GATA4: variants seen among roughly 807,000 people sequenced by gnomAD.
GATA4 encodes transcription factor GATA-4.
Under a neutral mutation model 37.9 loss-of-function variants are expected in GATA4, and 7 were observed. The ratio of observed to expected loss-of-function variants is 0.18; its 90% confidence interval spans 0.11 to 0.35. The LOEUF (loss-of-function observed/expected upper bound fraction) is 0.35. Ranked by LOEUF, GATA4 falls within the 10% of genes least tolerant of loss-of-function variation. GATA4 has a pLI of 1.00. For missense variants in GATA4, 647 were observed against 653.0 expected (o/e 0.99, Z 0.10); for synonymous variants, 372 against 292.6 (o/e 1.27, Z -2.77).
chr8:11,687,872 A>C (rs1799190180), upstream of GATA4, among the ~76,000 whole-genome samples: 1 of 152,158 alleles, frequency 6.6e-6, no homozygotes, highest in Non-Finnish European at 1.5e-5. Flanking sequence ...CCCCCGTTTC[A>C]TTTGGCAGGT....
rs1585541204 is a variant in GATA4 at position 11,680,785 on chromosome 8, C to A, written c.-274+3722C>A. The A allele has an allele frequency of 8.1e-6, 8 of 985,328 alleles. No homozygotes were observed. The East Asian group carries it at 3.4e-4, about 42-fold the overall frequency. 61.0% of individuals were successfully genotyped at this position (985,328 alleles called of 1,614,324 possible). On this transcript the variant is annotated intron_variant, in intron 1 of 6. Coordinates refer to the GATA4 transcript ENST00000528712. ...CCCCTCTCCAGATGCGAGGTGCTCA[C>A]CCGCCCCTCGCCCTGCTCACCCCGA...
At chr8:11,725,854 T>C (rs1326591027) in intron 2 of GATA4, among the ~76,000 whole-genome samples, 1 of 152,054 alleles carries the variant, frequency 6.6e-6, no homozygotes, top group East Asian at 1.9e-4. Context: ...GAAAGGGGCC[T>C]GGGCCCGGGG....
intron 2 of GATA4, among the ~76,000 whole-genome samples, chr8:11,716,795 G>A (rs916330213): frequency 6.6e-6 from 1 of 152,178 alleles, no homozygotes; most frequent in African/African-American, 2.4e-5. Flanking sequence ...CTTCCTCCAG[G>A]GCAAGGTGAT....
chr8:11,725,610 T>G (rs1209157679), intron 2 of GATA4, among the ~76,000 whole-genome samples: 1 of 152,226 alleles, frequency 6.6e-6, no homozygotes, highest in Non-Finnish European at 1.5e-5. Context: ...TTGGTCTTAG[T>G]GGGGATGGCC....
At position 11,707,861 on chromosome 8, in the gene GATA4, C is replaced by T. The variant is rs1048535078; in HGVS notation, c.-452C>T. ...TTCTGTCGTTCCTCTTTTAGGACCC[C>T]GGCTGCGGCGAGGAGGAAGGAGCCA... On this transcript the variant is annotated 5_prime_UTR_variant, in exon 2 of 7. Transcript: ENST00000532059. The surrounding 1 kb of genome is among the most constrained non-coding windows in gnomAD (Gnocchi z 4.7). 6.0e-5 allele frequency: 15 copies of T among 249,530 alleles called. 1 individual carries two copies. In the Admixed American group the frequency reaches 7.4e-4, roughly 12 times the overall value. The allele number at this position is 249,530 out of a possible 1,614,324, so 15.5% of individuals were successfully genotyped here. A position where few individuals can be genotyped will look rare whatever the true frequency, so the allele number is the denominator to read the frequency against.
chr8:11,758,395 T>G lies in GATA4; in HGVS notation c.1252T>G (p.Ser418Ala), dbSNP rs1483133650. Residue 418 changes from serine to alanine, a missense_variant, in exon 7 of 7, where the codon TCT becomes GCT. Coordinates refer to ENST00000532059, the MANE Select transcript of GATA4 (RefSeq NM_001308093.3). Reference protein sequence around the residue: ...PQGYASPVSQSPQTSSKQDSW... With the variant: ...PQGYASPVSQAPQTSSKQDSW... ...AGGCTATGCGTCTCCCGTCAGCCAGTCTCCACAGACCAGCTCCAAGCAGGA... is the reference window on the plus strand; with the variant it reads ...AGGCTATGCGTCTCCCGTCAGCCAGGCTCCACAGACCAGCTCCAAGCAGGA... The G allele has an allele frequency of 6.2e-7, 1 of 1,614,188 alleles. No homozygotes were observed.
Position 11,678,012 on chromosome 8 carries a change from AAATAATAATAATAATAATAATAAT to A in GATA4, c.-274+973_-274+996del, listed in dbSNP as rs148395155. Reference sequence around the variant, plus strand: ...TGTAGCTGAGAAAAGGGCTGAGTCAAAATAATAATAATAATAATAATAATAATAATAATAATAATAATAATAAAT... The same window carrying A: ...TGTAGCTGAGAAAAGGGCTGAGTCAAAATAATAATAATAATAATAATAAAT... On this transcript the variant is annotated intron_variant, in intron 1 of 6. Transcript: ENST00000528712. 3.4e-4 allele frequency among the ~76,000 whole-genome samples: 48 copies of A among 141,960 alleles called. 1 individual carries two copies. The highest frequency in any genetic ancestry group is 1.8e-3 in the Admixed American group (25 of 14,118). The allele number at this position is 141,960 out of a possible 152,430, so 93.1% of individuals were successfully genotyped here.
At chr8:11,742,633 C>T (rs920903052) in intron 2 of GATA4, among the ~76,000 whole-genome samples, 2 of 152,202 alleles carry the variant, frequency 1.3e-5, no homozygotes, top group African/African-American at 2.4e-5. Flanking sequence ...ATTTCATCCC[C>T]GGCCGGAGCG....
intron 4 of GATA4, among the ~76,000 whole-genome samples, chr8:11,751,363 A>T (rs1433599525): frequency 6.6e-6 from 1 of 152,182 alleles, no homozygotes; most frequent in East Asian, 1.9e-4. Flanking sequence ...TTGCTTCCAC[A>T]TATACAGAAC....
intron 1 of GATA4, chr8:11,692,681 G>A: frequency 1.0e-6 from 1 of 985,070 alleles, no homozygotes; most frequent in African/African-American, 1.7e-5. Flanking sequence ...GGGTGCGGGG[G>A]TGAGGGGTGC....
At chr8:11,710,208 G>A (rs1800111812) in intron 2 of GATA4, among the ~76,000 whole-genome samples, 1 of 152,160 alleles carries the variant, frequency 6.6e-6, no homozygotes, top group Non-Finnish European at 1.5e-5. Flanking sequence ...AACCCTGAAA[G>A]TGGCGCCGAG....
Position 11,749,012 on chromosome 8 carries a change from T to C in GATA4, c.713T>C (p.Leu238Pro), listed in dbSNP as rs1802164496. 1 of 1,614,156 alleles carries C rather than the reference T, an allele frequency of 6.2e-7. No individual in the cohort carries two copies. Among genetic ancestry groups the C allele is most frequent in the Non-Finnish European group, 8.5e-7 (1 of 1,180,066 alleles). Residue 238 changes from leucine (L) to proline (P), a missense_variant, in exon 3 of 7, where the codon CTG (leucine) becomes CCG (proline). By Grantham distance (98) the Leu-to-Pro change is moderately conservative (BLOSUM62 -3). This residue lies in a region of GATA4 where 7 missense variants were observed against 34.3 expected (regional missense o/e 0.20). Coordinates refer to ENST00000532059, the MANE Select transcript of GATA4 (RefSeq NM_001308093.3). This position sits in a 1 kb window ranked among gnomAD's most constrained non-coding sequence, Gnocchi z 4.6. ...LWRRDGTGHY[L>P]CNACGLYHKM... The stretch of plus-strand genomic sequence containing the variant: ...AGGCGAGATGGGACGGGTCACTATC[T>C]GTGCAACGCCTGCGGCCTCTACCAC...
intron 4 of GATA4, among the ~76,000 whole-genome samples, chr8:11,750,794 A>T (rs1802267513): frequency 8.5e-6 from 1 of 117,730 alleles, no homozygotes; most frequent in Non-Finnish European, 1.9e-5. Flanking sequence ...AAAAAAAAAA[A>T]AATCTAGCTG....
chr8:11,682,275 C>T (rs1798997043), intron 1 of GATA4, among the ~76,000 whole-genome samples: 1 of 152,324 alleles, frequency 6.6e-6, no homozygotes. Context: ...CTTCCACTAA[C>T]TCTAAAGATT....
chr8:11,743,673 T>C (rs1801876361), intron 2 of GATA4, among the ~76,000 whole-genome samples: 1 of 152,188 alleles, frequency 6.6e-6, no homozygotes, highest in African/African-American at 2.4e-5. Context: ...TTCCCCAAGA[T>C]GGATGGAGCA....
chr8:11,735,524 T>A (rs13259242), intron 2 of GATA4, among the ~76,000 whole-genome samples: 1 of 152,162 alleles, frequency 6.6e-6, no homozygotes, highest in Non-Finnish European at 1.5e-5. Flanking sequence ...GATGGGATCA[T>A]GGTGATGGTG....
At chr8:11,681,354 C>G (rs1401205843) in intron 1 of GATA4, 1 of 985,294 alleles carries the variant, frequency 1.0e-6, no homozygotes, top group Non-Finnish European at 1.2e-6. Flanking sequence ...ATTTCCAGCA[C>G]TCGTCCCCCT....
chr8:11,708,351 GC>G lies in GATA4; in HGVS notation c.45del (p.Gly16ValfsTer191). On this transcript the variant is annotated frameshift_variant, in exon 2 of 7. Transcript: ENST00000532059. LOFTEE classifies it high-confidence loss of function. The surrounding 1 kb of genome is among the most constrained non-coding windows in gnomAD (Gnocchi z 6.7). ...SLAMAANHGP[P>X]PGAYEAGGPG... Reference sequence around the variant, plus strand: ...TGGCCATGGCCGCCAACCACGGGCCGCCCCCCGGTGCCTACGAGGCGGGCGG... The same window carrying G: ...TGGCCATGGCCGCCAACCACGGGCCGCCCCCGGTGCCTACGAGGCGGGCGG... 3.2e-6 allele frequency: 5 copies of G among 1,582,042 alleles called. No individual in the cohort carries two copies. Among genetic ancestry groups the G allele is most frequent in the South Asian group, 2.3e-5 (2 of 88,378 alleles).
At chr8:11,740,037 A>G (rs1179109008) in intron 2 of GATA4, among the ~76,000 whole-genome samples, 1 of 152,180 alleles carries the variant, frequency 6.6e-6, no homozygotes, top group Non-Finnish European at 1.5e-5. Context: ...CTTCGCATGC[A>G]GTCCCCAGAG....
Sources: gnomAD v4.1 joint callset for allele counts (sites outside exome capture counted in the v4.1 genomes callset) on GRCh38, gnomAD v4.1.1 for gene constraint, gnomAD v4.1.1 regional missense constraint, Gnocchi (gnomAD v3.1) non-coding constraint, MANE v1.5 for transcripts, NCBI Gene and HGNC (gene_info 2026-07-23, HGNC 2026-07-21) for gene names.